MIB1: variants seen among roughly 807,000 people sequenced by gnomAD.
MIB1 encodes E3 ubiquitin-protein ligase MIB1.
A neutral mutation model predicts 124.5 loss-of-function variants in MIB1; 278 were observed. That is an observed-to-expected ratio of 2.23 (90% CI 2.02 to 2.47). MIB1 has a LOEUF of 2.47. MIB1 is among the 30% of genes most tolerant of loss of function. The pLI is 0.00. For synonymous variants in MIB1, 446 were observed against 429.4 expected, an observed-to-expected ratio of 1.04 and a Z score of -0.48; for missense variants, 957 against 1,254.4, an observed-to-expected ratio of 0.76 and a Z score of 3.58.
chr18:21,756,052 A>AC (rs1317903505), intron 1 of MIB1, among the ~76,000 whole-genome samples: 1 of 151,706 alleles, frequency 6.6e-6, no homozygotes, highest in African/African-American at 2.4e-5. Flanking sequence ...CTCATCCCTT[A>AC]CCCCCCAGTT....
At chr18:21,724,727 A>AAAAAAAAAT (rs1350936232) in intron 1 of MIB1, among the ~76,000 whole-genome samples, 1 of 17,376 alleles carries the variant, frequency 5.8e-5, no homozygotes, top group African/African-American at 1.8e-4. Context: ...AAAAAAAAAA[A>AAAAAAAAAT]ATATATATAT....
chr18:21,775,202 C>T (rs2041269651), intron 4 of MIB1, among the ~76,000 whole-genome samples: 1 of 151,870 alleles, frequency 6.6e-6, no homozygotes, highest in African/African-American at 2.4e-5. Context: ...GCCTCGGCCT[C>T]CCAAAGTGCT....
intron 15 of MIB1, among the ~76,000 whole-genome samples, chr18:21,845,953 A>G (rs1156518013): frequency 6.6e-6 from 1 of 152,130 alleles, no homozygotes; most frequent in Non-Finnish European, 1.5e-5. Context: ...CTGAATTGCC[A>G]GTATACTTTT....
chr18:21,806,637 T>C (rs968334055), intron 10 of MIB1, among the ~76,000 whole-genome samples: 1 of 151,858 alleles, frequency 6.6e-6, no homozygotes, highest in Non-Finnish European at 1.5e-5. Context: ...TTTTTTTTTT[T>C]TGAGACGGAG....
At chr18:21,852,555 T>G (rs1014707958) in intron 17 of MIB1, among the ~76,000 whole-genome samples, 2 of 150,788 alleles carry the variant, frequency 1.3e-5, no homozygotes, top group Non-Finnish European at 3.0e-5. Context: ...TGAGGGAGAT[T>G]ATGAATAGGC....
At chr18:21,782,648 A>G (rs1223187556) in intron 6 of MIB1, among the ~76,000 whole-genome samples, 1 of 152,164 alleles carries the variant, frequency 6.6e-6, no homozygotes, top group Non-Finnish European at 1.5e-5. Context: ...TACCATTTCA[A>G]CTTTTTTGAA....
chr18:21,813,886 G>A (rs2041801229), intron 10 of MIB1, among the ~76,000 whole-genome samples: 1 of 152,034 alleles, frequency 6.6e-6, no homozygotes, highest in Admixed American at 6.6e-5. Context: ...CCAGGATCAG[G>A]GACAGACACA....
At chr18:21,720,493 T>TA (rs958701073) in intron 1 of MIB1, among the ~76,000 whole-genome samples, 49 of 147,524 alleles carry the variant, frequency 3.3e-4, no homozygotes, top group Non-Finnish European at 7.5e-5. Context: ...TTCAAATAAT[T>TA]TTTTTTTTTT....
At chr18:21,841,041 G>A (rs999611022) in intron 13 of MIB1, among the ~76,000 whole-genome samples, 3 of 151,888 alleles carry the variant, frequency 2.0e-5, no homozygotes, top group East Asian at 1.9e-4. Context: ...ATTTGACAAA[G>A]GACTGGAATC....
chr18:21,856,540 T>G (rs1400344925), intron 18 of MIB1, among the ~76,000 whole-genome samples: 2 of 152,176 alleles, frequency 1.3e-5, no homozygotes, highest in African/African-American at 2.4e-5. Flanking sequence ...AGAAAATGTT[T>G]TTAGAAAATT....
At chr18:21,787,505 C>T (rs2041449978) in intron 6 of MIB1, among the ~76,000 whole-genome samples, 1 of 152,132 alleles carries the variant, frequency 6.6e-6, no homozygotes, top group Admixed American at 6.5e-5. Flanking sequence ...GAATGATTTT[C>T]CTGCAAGGGA....
At chr18:21,742,970 A>G (rs2040871298) in intron 1 of MIB1, among the ~76,000 whole-genome samples, 1 of 152,224 alleles carries the variant, frequency 6.6e-6, no homozygotes. Context: ...TTTTAGAGAC[A>G]GTTGTCTCGT....
chr18:21,793,421 G>T (rs2041530177), intron 7 of MIB1, among the ~76,000 whole-genome samples: 1 of 152,154 alleles, frequency 6.6e-6, no homozygotes, highest in Non-Finnish European at 1.5e-5. Flanking sequence ...AGGGATCATG[G>T]TTAAATTCCC....
upstream of MIB1, among the ~76,000 whole-genome samples, chr18:21,740,596 G>A (rs879882267): frequency 6.6e-6 from 1 of 152,236 alleles, no homozygotes; most frequent in Non-Finnish European, 1.5e-5. Context: ...CCAGCAGCCC[G>A]GGTAGCTTCC....
intron 12 of MIB1, chr18:21,827,039 GT>G (rs2041930944): frequency 6.6e-6 from 1 of 152,094 alleles, no homozygotes; most frequent in South Asian, 2.1e-4. Context: ...GCTCAAGTGT[GT>G]TTTTGGATGG....
At chr18:21,816,091 A>T (rs1254717309) in intron 11 of MIB1, among the ~76,000 whole-genome samples, 5 of 152,214 alleles carry the variant, frequency 3.3e-5, no homozygotes, top group Non-Finnish European at 2.9e-5. Context: ...TTTATTGATC[A>T]TGACAGTGAG....
rs193096476 is a variant in MIB1 at position 21,799,216 on chromosome 18, T to C, written c.1238-625T>C. On this transcript the variant is annotated intron_variant, in intron 8 of 20. Coordinates refer to ENST00000261537, the MANE Select transcript of MIB1 (RefSeq NM_020774.4). ...AGGAGTTAGAGCTTTGTAGCTTCTG[T>C]ATTGATTGATACTATTTAGAAAAAA... 5.7e-4 allele frequency among the ~76,000 whole-genome samples: 86 copies of C among 152,190 alleles called. 1 individual carries two copies. The highest frequency in any genetic ancestry group is 2.0e-3 in the African/African-American group (83 of 41,574).
intron 12 of MIB1, among the ~76,000 whole-genome samples, chr18:21,835,040 T>G (rs1235657269): frequency 2.0e-5 from 3 of 152,216 alleles, no homozygotes; most frequent in Non-Finnish European, 2.9e-5. Flanking sequence ...CACTCCTGGC[T>G]AGTTGACCCT....
intron 1 of MIB1, among the ~76,000 whole-genome samples, chr18:21,735,146 T>G (rs1370981960): frequency 6.6e-6 from 1 of 152,172 alleles, no homozygotes; most frequent in Non-Finnish European, 1.5e-5. Context: ...GCGAGATGGA[T>G]GCAGAAGGCA....
Sources: allele counts gnomAD v4.1 joint callset (sites outside exome capture counted in the v4.1 genomes callset), GRCh38; gene constraint gnomAD v4.1.1; transcripts MANE v1.5; gene names NCBI Gene and HGNC (gene_info 2026-07-23, HGNC 2026-07-21).